The following HSD17B12 variants were observed in gnomAD, a reference collection of about 807,000 sequenced individuals.
The protein encoded by HSD17B12 is very-long-chain 3-oxoacyl-CoA reductase.
A neutral mutation model predicts 39.3 loss-of-function variants in HSD17B12; 32 were observed. That is an observed-to-expected ratio of 0.81 (90% confidence interval 0.61 to 1.09). The LOEUF is 1.09. HSD17B12 is among the 50% of genes least tolerant of loss of function. The probability of loss-of-function intolerance (pLI) is 0.00; values close to 1 mark genes in which losing one functional copy is unlikely to be tolerated. For missense variants in HSD17B12, 342 were observed against 382.9 expected (o/e 0.89, Z 0.89); for synonymous variants, 150 against 146.7 (o/e 1.02, Z -0.16).
chr11:43,776,521 G>A (rs1307508496), intron 3 of HSD17B12, among the ~76,000 whole-genome samples: 3 of 152,162 alleles, frequency 2.0e-5, no homozygotes, highest in African/African-American at 7.2e-5. Context: ...TGTCAGATGA[G>A]TATGTTGCGA....
the HSD17B12 span, among the ~76,000 whole-genome samples, chr11:43,630,558 A>G: frequency 6.6e-6 from 1 of 152,188 alleles, no homozygotes; most frequent in Admixed American, 6.5e-5. Flanking sequence ...CTTTTGTCAT[A>G]ATGTCCAGCA....
chr11:43,687,683 T>G (rs576561908), intron 1 of HSD17B12, among the ~76,000 whole-genome samples: 1 of 152,318 alleles, frequency 6.6e-6, no homozygotes, highest in South Asian at 2.1e-4. Flanking sequence ...GCCATGGAAC[T>G]GGAGAGGCAA....
intron 1 of HSD17B12, among the ~76,000 whole-genome samples, chr11:43,744,662 A>G (rs982686758): frequency 2.4e-4 from 36 of 152,240 alleles, no homozygotes; most frequent in Non-Finnish European, 7.3e-5. Flanking sequence ...AAGGACATTC[A>G]GTAACAAGTA....
the HSD17B12 span, among the ~76,000 whole-genome samples, chr11:43,590,506 A>T: frequency 1.2e-3 from 62 of 51,590 alleles, no homozygotes; most frequent in Admixed American, 1.7e-3. Context: ...GGAGTGAGTG[A>T]TTTTTTTTTT....
chr11:43,683,111 T>TG (rs1466739677), intron 1 of HSD17B12, among the ~76,000 whole-genome samples: 3 of 151,770 alleles, frequency 2.0e-5, no homozygotes, highest in Non-Finnish European at 4.4e-5. Context: ...TTTGTTTTTT[T>TG]TTTTTTTTCT....
intron 3 of HSD17B12, among the ~76,000 whole-genome samples, chr11:43,786,917 G>A (rs1055748370): frequency 6.6e-6 from 1 of 152,036 alleles, no homozygotes; most frequent in African/African-American, 2.4e-5. Context: ...TACCTTTAGG[G>A]AATCCTAGGG....
upstream of HSD17B12, among the ~76,000 whole-genome samples, chr11:43,679,301 C>T (rs1347556357): frequency 6.6e-6 from 1 of 152,114 alleles, no homozygotes; most frequent in Non-Finnish European, 1.5e-5. Context: ...CAGGGATGCC[C>T]TCTCTCACCA....
chr11:43,730,643 A>C (rs1475856254), intron 1 of HSD17B12, among the ~76,000 whole-genome samples: 1 of 152,122 alleles, frequency 6.6e-6, no homozygotes, highest in Admixed American at 6.5e-5. Flanking sequence ...TCTTTTGGTG[A>C]GGCTGTTTTG....
At chr11:43,680,174 C>CAA (rs3048094), upstream of HSD17B12, among the ~76,000 whole-genome samples, 132,294 of 151,486 alleles carry the variant, frequency 0.87, 58,949 homozygotes, top group East Asian at 0.97. Flanking sequence ...CTCCCGGGTT[C>CAA]GTGATTCTCC....
At chr11:43,643,134 G>A in the HSD17B12 span, among the ~76,000 whole-genome samples, 1 of 152,102 alleles carries the variant, frequency 6.6e-6, no homozygotes, top group Non-Finnish European at 1.5e-5. Flanking sequence ...GAGAAAAATA[G>A]CAGATAATTT....
At chr11:43,740,946 TCC>T (rs1467011732) in intron 1 of HSD17B12, among the ~76,000 whole-genome samples, 4 of 152,236 alleles carry the variant, frequency 2.6e-5, no homozygotes, top group Non-Finnish European at 5.9e-5. Flanking sequence ...AAGGATGGCC[TCC>T]CCAGGGTAGT....
the HSD17B12 span, among the ~76,000 whole-genome samples, chr11:43,669,298 C>T: frequency 2.0e-5 from 3 of 151,852 alleles, no homozygotes; most frequent in East Asian, 1.9e-4. Context: ...GTCAGGAGTT[C>T]GAGACCAACC....
At chr11:43,781,200 C>G (rs1950762248) in intron 3 of HSD17B12, among the ~76,000 whole-genome samples, 1 of 152,158 alleles carries the variant, frequency 6.6e-6, no homozygotes, top group South Asian at 2.1e-4. Flanking sequence ...ATCTCCTTCT[C>G]CAATACAATG....
chr11:43,600,140 G>A, the HSD17B12 span, among the ~76,000 whole-genome samples: 1 of 151,846 alleles, frequency 6.6e-6, no homozygotes, highest in South Asian at 2.1e-4. Flanking sequence ...ATATTTAGTT[G>A]TATTATTTTT....
At chr11:43,558,117 G>C in the HSD17B12 span, among the ~76,000 whole-genome samples, 1 of 152,138 alleles carries the variant, frequency 6.6e-6, no homozygotes, top group South Asian at 2.1e-4. Flanking sequence ...GGACTTCAAG[G>C]GGTTTTTTAA....
At chr11:43,760,052 A>G (rs991462369) in intron 3 of HSD17B12, among the ~76,000 whole-genome samples, 1 of 152,004 alleles carries the variant, frequency 6.6e-6, no homozygotes, top group Non-Finnish European at 1.5e-5. Context: ...ACGTGCCACC[A>G]TGCCTGGCTA....
intron 1 of HSD17B12, among the ~76,000 whole-genome samples, chr11:43,731,056 G>A (rs1950262680): frequency 6.6e-6 from 1 of 152,102 alleles, no homozygotes; most frequent in African/African-American, 2.4e-5. Flanking sequence ...GAGTACAGTG[G>A]CACGATCTTG....
the HSD17B12 span, among the ~76,000 whole-genome samples, chr11:43,608,260 G>A: frequency 6.6e-6 from 1 of 151,832 alleles, no homozygotes; most frequent in Non-Finnish European, 1.5e-5. Flanking sequence ...CAGCTATCTG[G>A]GAGGCTGAGG....
At chr11:43,597,302 A>G in the HSD17B12 span, among the ~76,000 whole-genome samples, 3 of 152,188 alleles carry the variant, frequency 2.0e-5, no homozygotes, top group African/African-American at 7.2e-5. Flanking sequence ...GCCACAGTAA[A>G]GGTCTGGAGT....
Sources: gnomAD v4.1 joint callset for allele counts (sites outside exome capture counted in the v4.1 genomes callset) on GRCh38, gnomAD v4.1.1 for gene constraint, MANE v1.5 for transcripts, NCBI Gene and HGNC (gene_info 2026-07-23, HGNC 2026-07-21) for gene names.